The following LRRC37A2 variants were observed in gnomAD, a reference collection of about 807,000 sequenced individuals.
LRRC37A2 encodes the protein leucine-rich repeat-containing protein 37A2.
LRRC37A2 carries 9 observed loss-of-function variants against 68.8 expected under a neutral mutation model. The ratio of observed to expected loss-of-function variants is 0.13; its 90% CI spans 0.08 to 0.23. The LOEUF is 0.23. Among genes scored for constraint, LRRC37A2 ranks in the 10% least tolerant of loss-of-function variants. LRRC37A2 has a pLI of 1.00. For missense variants in LRRC37A2, 168 were observed against 950.4 expected, an observed-to-expected ratio of 0.18 and a Z score of 10.82; for synonymous variants, 63 against 367.6, an observed-to-expected ratio of 0.17 and a Z score of 9.48.
At chr17:46,994,183 G>A in the LRRC37A2 span, among the ~76,000 whole-genome samples, 6 of 152,080 alleles carry the variant, frequency 3.9e-5, no homozygotes, top group South Asian at 1.2e-3. Context: ...TCAGGAGTTT[G>A]AGACCAGCCT....
the LRRC37A2 span, among the ~76,000 whole-genome samples, chr17:46,787,190 C>T: frequency 3.3e-5 from 5 of 152,060 alleles, no homozygotes; most frequent in Admixed American, 2.0e-4. Context: ...ATCCTCCCAC[C>T]TCAGCCTCCC....
chr17:46,840,084 C>CTTCT, the LRRC37A2 span, among the ~76,000 whole-genome samples: 1 of 119,412 alleles, frequency 8.4e-6, no homozygotes, highest in Non-Finnish European at 1.8e-5. Context: ...TCCTTCATTC[C>CTTCT]TTCTTTCTTT....
the LRRC37A2 span, among the ~76,000 whole-genome samples, chr17:46,788,111 C>T: frequency 6.6e-6 from 1 of 152,122 alleles, no homozygotes; most frequent in African/African-American, 2.4e-5. Context: ...GCAAAGAAGT[C>T]CCCTTCAAAG....
the LRRC37A2 span, chr17:46,763,841 AAAAAAC>A: frequency 4.7e-5 from 7 of 148,112 alleles, no homozygotes; most frequent in African/African-American, 1.8e-4. Flanking sequence ...CAAAAAAAAA[AAAAAAC>A]AAAAAAACAA....
chr17:46,756,035 G>T, the LRRC37A2 span: 1 of 545,544 alleles, frequency 1.8e-6, no homozygotes. Context: ...ATTTGGTTTA[G>T]AATGCTGCGC....
At chr17:46,955,181 A>G in the LRRC37A2 span, among the ~76,000 whole-genome samples, 1 of 152,004 alleles carries the variant, frequency 6.6e-6, no homozygotes, top group African/African-American at 2.4e-5. Flanking sequence ...TTATTTTGAG[A>G]TACGTCCCAT....
chr17:46,882,501 T>C, the LRRC37A2 span, among the ~76,000 whole-genome samples: 2 of 152,122 alleles, frequency 1.3e-5, no homozygotes, highest in Admixed American at 6.6e-5. Context: ...AGTGGTGCGA[T>C]CTCGGCTCAC....
the LRRC37A2 span, among the ~76,000 whole-genome samples, chr17:46,994,582 A>C: frequency 6.6e-6 from 1 of 152,130 alleles, no homozygotes; most frequent in South Asian, 2.1e-4. Flanking sequence ...GTACTTTTCT[A>C]TATGAATGCT....
the LRRC37A2 span, among the ~76,000 whole-genome samples, chr17:46,736,757 T>A: frequency 6.6e-6 from 1 of 152,244 alleles, no homozygotes; most frequent in African/African-American, 2.4e-5. Context: ...AGCTTGTCTA[T>A]GTATAATATA....
At chr17:46,845,515 A>G in the LRRC37A2 span, among the ~76,000 whole-genome samples, 1 of 135,026 alleles carries the variant, frequency 7.4e-6, no homozygotes, top group African/African-American at 2.8e-5. Flanking sequence ...TTTGAGACAG[A>G]GTCTTGCTCT....
At chr17:46,896,392 G>GAGA in the LRRC37A2 span, among the ~76,000 whole-genome samples, 1 of 88,782 alleles carries the variant, frequency 1.1e-5, no homozygotes, top group Non-Finnish European at 2.3e-5. Context: ...AAGAAAGAAA[G>GAGA]AGAAAGAAAG....
the LRRC37A2 span, among the ~76,000 whole-genome samples, chr17:46,951,121 C>A: frequency 6.6e-6 from 1 of 152,222 alleles, no homozygotes; most frequent in Non-Finnish European, 1.5e-5. Context: ...TTGAGGGCAT[C>A]ATCTCTCCAC....
chr17:46,545,785 C>T (rs1422945821), intron 8 of LRRC37A2, among the ~76,000 whole-genome samples: 1 of 147,414 alleles, frequency 6.8e-6, no homozygotes, highest in Non-Finnish European at 1.5e-5. Context: ...CAGATTTGAC[C>T]AATGCAGTCT....
the LRRC37A2 span, among the ~76,000 whole-genome samples, chr17:46,816,339 CGTG>C: frequency 6.6e-6 from 1 of 151,946 alleles, no homozygotes; most frequent in African/African-American, 2.4e-5. Context: ...CACAACCTGT[CGTG>C]GGCATGGATC....
chr17:46,896,386 A>AAG, the LRRC37A2 span, among the ~76,000 whole-genome samples: 14 of 141,544 alleles, frequency 9.9e-5, no homozygotes, highest in African/African-American at 2.7e-4. Flanking sequence ...AGAAGAAAGA[A>AAG]AGAAAGAGAA....
the LRRC37A2 span, among the ~76,000 whole-genome samples, chr17:46,984,859 C>G: frequency 1.2e-3 from 182 of 152,276 alleles, no homozygotes; most frequent in African/African-American, 4.0e-3. Context: ...AACTGTAAAC[C>G]ACCCAGACAC....
At chr17:46,749,929 G>A in the LRRC37A2 span, 1 of 1,611,208 alleles carries the variant, frequency 6.2e-7, no homozygotes, top group Non-Finnish European at 8.5e-7. Flanking sequence ...TCAATGGATT[G>A]CACACTGTTT....
the LRRC37A2 span, among the ~76,000 whole-genome samples, chr17:46,771,874 C>T: frequency 6.9e-6 from 1 of 144,942 alleles, no homozygotes; most frequent in Non-Finnish European, 1.5e-5. Flanking sequence ...CAGGCCCCTC[C>T]GGCGCCCGCC....
the LRRC37A2 span, among the ~76,000 whole-genome samples, chr17:46,906,298 G>A: frequency 6.6e-6 from 1 of 152,196 alleles, no homozygotes; most frequent in Non-Finnish European, 1.5e-5. Flanking sequence ...TAGACATAAG[G>A]TCGGAAAGGA....
Sources: gnomAD v4.1 joint callset for allele counts (sites outside exome capture counted in the v4.1 genomes callset) on GRCh38, gnomAD v4.1.1 for gene constraint, MANE v1.5 for transcripts, NCBI Gene and HGNC (gene_info 2026-07-23, HGNC 2026-07-21) for gene names.